CRADD: variants seen among roughly 807,000 people sequenced by gnomAD.
CRADD encodes CARD and death domain containing adaptor protein.
A neutral mutation model predicts 15.5 loss-of-function variants in CRADD; 9 were observed. The ratio of observed to expected loss-of-function variants is 0.58; its 90% confidence interval spans 0.35 to 1.01. CRADD has a LOEUF of 1.01. Among genes scored for constraint, CRADD ranks in the 50% least tolerant of loss-of-function variants. CRADD has a pLI of 0.02. For synonymous variants in CRADD, 118 were observed against 107.6 expected (o/e 1.10, Z -0.60); for missense variants, 227 against 250.3 (o/e 0.91, Z 0.63).
intron 2 of CRADD, among the ~76,000 whole-genome samples, chr12:93,685,950 G>A (rs558547518): frequency 3.9e-5 from 6 of 151,920 alleles, no homozygotes; most frequent in Admixed American, 6.6e-5. Context: ...CTGAGATCGC[G>A]CCATTGCACT....
At chr12:93,761,616 G>T (rs1011051982) in intron 2 of CRADD, among the ~76,000 whole-genome samples, 2 of 151,996 alleles carry the variant, frequency 1.3e-5, no homozygotes, top group Admixed American at 6.6e-5. Context: ...ATTATCCTGG[G>T]CTCCTAGAAG....
chr12:93,788,117 T>A (rs1957300447), intron 2 of CRADD, among the ~76,000 whole-genome samples: 1 of 152,178 alleles, frequency 6.6e-6, no homozygotes, highest in African/African-American at 2.4e-5. Flanking sequence ...AGTCTGTTCT[T>A]ATGCTGCTAT....
At chr12:93,886,162 C>CG (rs1555231623) in intron 2 of CRADD, among the ~76,000 whole-genome samples, 11 of 123,944 alleles carry the variant, frequency 8.9e-5, no homozygotes, top group African/African-American at 3.3e-4. Flanking sequence ...GCTGCTGATG[C>CG]TTTTTTTTTT....
At chr12:93,711,055 C>CCCCCCCCCCTTTTTTTTT in intron 2 of CRADD, among the ~76,000 whole-genome samples, 2 of 43,508 alleles carry the variant, frequency 4.6e-5, no homozygotes, top group Admixed American at 2.6e-4. Flanking sequence ...CCACCCCCGC[C>CCCCCCCCCCTTTTTTTTT]TTTTTTTTTT....
intron 2 of CRADD, among the ~76,000 whole-genome samples, chr12:93,845,233 C>T (rs1373816786): frequency 6.6e-5 from 10 of 152,200 alleles, no homozygotes; most frequent in Admixed American, 6.5e-4. Context: ...AGCAGCCAAC[C>T]TAAAGTTGTA....
chr12:93,844,011 C>T (rs775047443), intron 2 of CRADD, among the ~76,000 whole-genome samples: 4 of 152,244 alleles, frequency 2.6e-5, no homozygotes, highest in Middle Eastern at 3.4e-3. Flanking sequence ...CATGAGCCAC[C>T]GCACCTGGCC....
At chr12:93,866,594 A>G (rs914850989) in intron 2 of CRADD, among the ~76,000 whole-genome samples, 98 of 152,100 alleles carry the variant, frequency 6.4e-4, no homozygotes, top group African/African-American at 2.3e-3. Context: ...GCTTTCTTTA[A>G]AAGGTGATCA....
At chr12:93,689,219 A>G (rs1361917489) in intron 2 of CRADD, among the ~76,000 whole-genome samples, 1 of 152,210 alleles carries the variant, frequency 6.6e-6, no homozygotes, top group African/African-American at 2.4e-5. Flanking sequence ...TAAAGCCCTC[A>G]GTTCCAATAA....
At position 93,867,388 on chromosome 12, in the gene CRADD, C is replaced by CATATAT. The variant is rs150901925; in HGVS notation, c.299-26651_299-26646dup. Among the ~76,000 whole-genome samples the CATATAT allele has an allele frequency of 3.8e-5, 2 of 52,588 alleles. 1 individual carries two copies. Among genetic ancestry groups the CATATAT allele is most frequent in the Admixed American group, 3.2e-4 (2 of 6,256 alleles). The allele number at this position is 52,588 out of a possible 152,430, so 34.5% of individuals were successfully genotyped here. A position where few individuals can be genotyped will look rare whatever the true frequency, so the allele number is the denominator to read the frequency against. On this transcript the variant is annotated intron_variant, in intron 2 of 2. Transcript: ENST00000548483. The stretch of plus-strand genomic sequence containing the variant: ...TCTGCTATCTTCAAGTTGTATTTGA[C>CATATAT]ATATATATATATATATTTTTTAAAC...
intron 2 of CRADD, among the ~76,000 whole-genome samples, chr12:93,801,107 A>G (rs1322694548): frequency 6.6e-6 from 1 of 152,224 alleles, no homozygotes; most frequent in East Asian, 1.9e-4. Flanking sequence ...ATACCACATC[A>G]GGAGGTACAT....
At chr12:93,851,331 C>G (rs1958219392), downstream of CRADD, among the ~76,000 whole-genome samples, 1 of 152,134 alleles carries the variant, frequency 6.6e-6, no homozygotes, top group Non-Finnish European at 1.5e-5. Flanking sequence ...CCAACTGCTC[C>G]ACAGGGCTCC....
intron 2 of CRADD, among the ~76,000 whole-genome samples, chr12:93,790,466 A>C: frequency 6.9e-6 from 1 of 145,494 alleles, no homozygotes; most frequent in East Asian, 2.2e-4. Context: ...TATTATGATA[A>C]TAATAAAAAA....
At chr12:93,852,365 C>A (rs979118609), downstream of CRADD, among the ~76,000 whole-genome samples, 4 of 152,248 alleles carry the variant, frequency 2.6e-5, no homozygotes, top group African/African-American at 9.6e-5. Flanking sequence ...AGGAATCTGT[C>A]ACGCATAAAG....
intron 2 of CRADD, among the ~76,000 whole-genome samples, chr12:93,705,728 A>C (rs147945816): frequency 2.0e-5 from 3 of 152,362 alleles, no homozygotes; most frequent in African/African-American, 7.2e-5. Context: ...GTTCTCACTT[A>C]AACGAAAAAA....
chr12:93,727,916 T>C (rs1227709199), intron 2 of CRADD, among the ~76,000 whole-genome samples: 1 of 152,190 alleles, frequency 6.6e-6, no homozygotes, highest in East Asian at 1.9e-4. Context: ...GAGTCAGCTC[T>C]ATAGAAGTTT....
At chr12:93,857,674 G>A (rs1384816605) in intron 2 of CRADD, among the ~76,000 whole-genome samples, 2 of 152,200 alleles carry the variant, frequency 1.3e-5, no homozygotes, top group Admixed American at 1.3e-4. Flanking sequence ...GGCATGTGGT[G>A]GAAGCCTTGG....
At chr12:93,735,071 T>C (rs1956541479) in intron 2 of CRADD, among the ~76,000 whole-genome samples, 1 of 152,158 alleles carries the variant, frequency 6.6e-6, no homozygotes, top group Non-Finnish European at 1.5e-5. Context: ...GGCAGAACAC[T>C]AGTTATGTCA....
chr12:93,722,676 T>G (rs1956285328), intron 2 of CRADD, among the ~76,000 whole-genome samples: 1 of 152,202 alleles, frequency 6.6e-6, no homozygotes, highest in Non-Finnish European at 1.5e-5. Flanking sequence ...CTTAACATTT[T>G]TTTTTCTTAA....
chr12:93,894,230 G>T, exon 3 of CRADD: 3 of 622,790 alleles, frequency 4.8e-6, no homozygotes, highest in African/African-American at 1.8e-5. Flanking sequence ...ACAATGTCTG[G>T]AGGCGTTTTT....
Sources: allele counts gnomAD v4.1 joint callset (sites outside exome capture counted in the v4.1 genomes callset), GRCh38; gene constraint gnomAD v4.1.1; transcripts MANE v1.5; gene names NCBI Gene and HGNC (gene_info 2026-07-23, HGNC 2026-07-21).